ZNF467: variants seen among roughly 807,000 people sequenced by gnomAD.
ZNF467 encodes zinc finger protein 467.
In ZNF467, 51 loss-of-function variants were observed where a neutral mutation model predicts 47.8. The ratio of observed to expected loss-of-function variants is 1.07; its 90% CI spans 0.85 to 1.35. The LOEUF (loss-of-function observed/expected upper bound fraction) is 1.35. Ranked by LOEUF, ZNF467 falls within the 40% of genes most tolerant of loss-of-function variation. The pLI is 0.00. For synonymous variants in ZNF467, 416 were observed against 372.9 expected (o/e 1.12, Z -1.33); for missense variants, 992 against 858.1 (o/e 1.16, Z -1.95).
At position 149,765,164 on chromosome 7, in the gene ZNF467, C is replaced by T; in HGVS notation, c.1338G>A (p.Leu446=). 6.7e-7 allele frequency: 1 copy of T among 1,498,882 alleles called. No homozygotes were observed. The highest frequency in any genetic ancestry group is 8.9e-7 in the Non-Finnish European group (1 of 1,128,608). The allele number at this position is 1,498,882 out of a possible 1,614,324, so 92.8% of individuals were successfully genotyped here. ...CGRGFSHGQH[L]ARHPRVHTGE... is the part of the protein sequence containing the mutation. ...CCGTGTGCACGCGCGGGTGCCGCGC[C>T]AGGTGCTGCCCATGGGAGAAGCCGC... The change falls in exon 5 of 5, where the codon CTG becomes CTA. Residue 446 remains leucine, a synonymous_variant. Transcript: ENST00000302017.
At position 149,764,705 on chromosome 7, in the gene ZNF467, G is replaced by T; in HGVS notation, c.*9C>A. 1 of 1,579,654 alleles carries T rather than the reference G, an allele frequency of 6.3e-7. No homozygotes were observed. Among genetic ancestry groups the T allele is most frequent in the Non-Finnish European group, 8.6e-7 (1 of 1,159,204 alleles). On this transcript the variant is annotated 3_prime_UTR_variant, in exon 5 of 5. Coordinates refer to ENST00000302017, the MANE Select transcript of ZNF467 (RefSeq NM_207336.3). Reference sequence around the variant, plus strand: ...TGTGGGCAAGAAAGGGTCCTCGTGAGAACTAGGCTCAGAAGAAGAGCGGGG... The same window carrying T: ...TGTGGGCAAGAAAGGGTCCTCGTGATAACTAGGCTCAGAAGAAGAGCGGGG...
chr7:149,774,953 A>G (rs1426840805), upstream of ZNF467, among the ~76,000 whole-genome samples: 1 of 152,056 alleles, frequency 6.6e-6, no homozygotes, highest in Admixed American at 6.5e-5. This position sits in a 1 kb window ranked among gnomAD's most constrained non-coding sequence, Gnocchi z 5.7. Flanking sequence ...TATCAGGTTT[A>G]GGAGACCGAG....
At position 149,766,098 on chromosome 7, in the gene ZNF467, T is replaced by G. The variant is rs747200447; in HGVS notation, c.404A>C (p.Lys135Thr). 1.6e-5 allele frequency: 26 copies of G among 1,610,226 alleles called. No homozygotes were observed. Among genetic ancestry groups the G allele is most frequent in the Non-Finnish European group, 2.0e-5 (24 of 1,177,900 alleles). Reference sequence around the variant, plus strand: ...TGCCCCCGGGGCCCCTGGCTCCAGTTTGTACGCGGCAGCCAGATGCCCCAG... The same window carrying G: ...TGCCCCCGGGGCCCCTGGCTCCAGTGTGTACGCGGCAGCCAGATGCCCCAG... ...PDLGHLAAAY[K>T]LEPGAPGALS... The change falls in exon 5 of 5, where the codon AAA (lysine) becomes ACA (threonine). Residue 135 changes from lysine (K) to threonine (T), a missense_variant. Lys to Thr is a moderately conservative substitution (Grantham distance 78). Transcript: ENST00000302017.
intron 1 of ZNF467, among the ~76,000 whole-genome samples, chr7:149,772,075 T>G (rs1340439939): frequency 7.7e-6 from 1 of 129,332 alleles, no homozygotes; most frequent in Non-Finnish European, 1.6e-5. Context: ...CCCCTCCTCT[T>G]TTCCTTCCTC....
At position 149,769,333 on chromosome 7, in the gene ZNF467, C is replaced by T; in HGVS notation, c.152-133G>A. 1 of 779,182 alleles carries T rather than the reference C, an allele frequency of 1.3e-6. No individual in the cohort carries two copies. The highest frequency in any genetic ancestry group is 2.8e-5 in the East Asian group (1 of 36,134). 48.3% of individuals were successfully genotyped at this position (779,182 alleles called of 1,614,324 possible). ...CCCACAGGGTTCCTCCCACATCCTA[C>T]CTGAATTAAGGGGCTGAGTTCCCAG... On this transcript the variant is annotated intron_variant, in intron 3 of 4. Transcript: ENST00000302017. The surrounding 1 kb of genome is among the most constrained non-coding windows in gnomAD (Gnocchi z 5.3).
chr7:149,771,148 T>G, intron 1 of ZNF467, 74 bp from the exon 2 acceptor site: 1 of 1,258,714 alleles, frequency 7.9e-7, no homozygotes, highest in Non-Finnish European at 1.2e-6. Context: ...CTGCCCAACC[T>G]CTCCCTATGG....
At chr7:149,767,054 C>A (rs79937596) in intron 4 of ZNF467, among the ~76,000 whole-genome samples, 1,723 of 152,338 alleles carry the variant, frequency 0.011, 35 homozygotes, top group African/African-American at 0.04. Flanking sequence ...TCGGGTGCTG[C>A]AATGGTCCAG....
In ZNF467 at chr7:149,768,676, G is replaced by A. The variant is rs143703420; in HGVS notation, c.262+414C>T. On this transcript the variant is annotated intron_variant, in intron 4 of 4. Transcript: ENST00000302017. Reference sequence around the variant, plus strand: ...GAGATGAGTTGAATACAGCAGATGTGGAGCATCTGGGTACCCTCACGATCA... The same window carrying A: ...GAGATGAGTTGAATACAGCAGATGTAGAGCATCTGGGTACCCTCACGATCA... Among the ~76,000 whole-genome samples the A allele has an allele frequency of 1.0e-3, 158 of 152,348 alleles. 2 individuals are homozygous for A. Among genetic ancestry groups the A allele is most frequent in the African/African-American group, 3.4e-3 (141 of 41,572 alleles).
chr7:149,764,627 C>T lies in ZNF467; in HGVS notation c.*87G>A. On this transcript the variant is annotated 3_prime_UTR_variant, in exon 5 of 5. Transcript: ENST00000302017. ...CGGCGGCCAAACCTTCGGGCAGCAG[C>T]CCAGGTCGCCTTGCTCACCCCAGGC... 6.4e-7 allele frequency: 1 copy of T among 1,550,814 alleles called. No individual in the cohort carries two copies. The highest frequency in any genetic ancestry group is 8.7e-7 in the Non-Finnish European group (1 of 1,147,422).
Position 149,765,698 on chromosome 7 carries a change from G to A in ZNF467, c.804C>T (p.Gly268=), listed in dbSNP as rs1799177714. 2 of 1,613,406 alleles carry A rather than the reference G, an allele frequency of 1.2e-6. No homozygotes were observed. The highest frequency in any genetic ancestry group is 1.7e-6 in the Non-Finnish European group (2 of 1,179,864). ...HLGSHQKTHT[G]ERPFPCTECE... is the part of the protein sequence containing the mutation. ...ATTCCGTGCAGGGGAAGGGCCGCTCGCCGGTGTGGGTCTTTTGGTGCGAGC... is the reference window on the plus strand; with the variant it reads ...ATTCCGTGCAGGGGAAGGGCCGCTCACCGGTGTGGGTCTTTTGGTGCGAGC... The change falls in exon 5 of 5, where the codon GGC becomes GGT. Residue 268 remains glycine (G), a synonymous_variant. Transcript: ENST00000302017.
upstream of ZNF467, among the ~76,000 whole-genome samples, chr7:149,773,887 T>C (rs989932239): frequency 1.3e-5 from 2 of 152,036 alleles, no homozygotes; most frequent in African/African-American, 4.8e-5. Context: ...GAGGACCCGA[T>C]TCGAAACCAG....
chr7:149,765,002 C>T lies in ZNF467; in HGVS notation c.1500G>A (p.Ser500=), dbSNP rs546115312. 2.8e-5 allele frequency: 44 copies of T among 1,587,766 alleles called. No individual in the cohort carries two copies. The East Asian group carries it at 8.8e-4, about 32-fold the overall frequency. ...GCACCGCCTGGTGGCGGCCCAGGTG[C>T]GACTTGCGGCTGAAGCGGCGGCCGC... ...AQCGRRFSRK[S]HLGRHQAVHT... is the part of the protein sequence containing the mutation. The change falls in exon 5 of 5, where the codon TCG becomes TCA. Residue 500 remains serine (S), a synonymous_variant. Transcript: ENST00000302017.
At chr7:149,767,236 C>T (rs1417973966) in intron 4 of ZNF467, among the ~76,000 whole-genome samples, 13 of 152,276 alleles carry the variant, frequency 8.5e-5, no homozygotes, top group African/African-American at 1.4e-4. Context: ...AAAGCTCCCA[C>T]GCCTGTGCTG....
At position 149,764,960 on chromosome 7, in the gene ZNF467, G is replaced by A. The variant is rs1477786004; in HGVS notation, c.1542C>T (p.Pro514=). ...TGCGGGCGCAGACGGCGCAGGCGTG[G>A]GGGCGGCTGCCAGTGTGCACCGCCT... ...RHQAVHTGSR[P]HACAVCARSF... is the part of the protein sequence containing the mutation. The change falls in exon 5 of 5, where the codon CCC becomes CCT. Residue 514 remains proline (P), a synonymous_variant. Coordinates refer to ENST00000302017, the MANE Select transcript of ZNF467 (RefSeq NM_207336.3). 1.9e-6 allele frequency: 3 copies of A among 1,589,304 alleles called. No homozygotes were observed. The Admixed American group carries it at 5.2e-5, about 27-fold the overall frequency.
intron 1 of ZNF467, among the ~76,000 whole-genome samples, chr7:149,772,653 ATCGCCGACTTCAT>A (rs1164039524): frequency 2.2e-5 from 3 of 138,660 alleles, no homozygotes; most frequent in African/African-American, 8.2e-5. Flanking sequence ...AGCAGCTCCG[ATCGCCGACTTCAT>A]TCCAGGTCCC....
rs1169864798 is a variant in ZNF467, at chr7:149,766,698, C to T, written c.263-459G>A. Among the ~76,000 whole-genome samples, 8 of 152,318 alleles carry T rather than the reference C, an allele frequency of 5.3e-5. No homozygotes were observed. The East Asian group carries it at 1.5e-3, about 29-fold the overall frequency. On this transcript the variant is annotated intron_variant, in intron 4 of 4. Transcript: ENST00000302017. ...TCACCACACACCTGAGCTTCCCAAA[C>T]TGAGCCCTGGCTGACTTTAACCTTA... is the stretch of plus-strand genomic sequence containing the variant.
rs1043303937 is a variant in ZNF467, at chr7:149,764,698, C to T, written c.*16G>A. ...TCGAAACTGTGGGCAAGAAAGGGTC[C>T]TCGTGAGAACTAGGCTCAGAAGAAG... On this transcript the variant is annotated 3_prime_UTR_variant, in exon 5 of 5. Coordinates refer to ENST00000302017, the MANE Select transcript of ZNF467 (RefSeq NM_207336.3). The T allele has an allele frequency of 6.3e-7, 1 of 1,582,210 alleles. No homozygotes were observed. Among genetic ancestry groups the T allele is most frequent in the Non-Finnish European group, 8.6e-7 (1 of 1,160,902 alleles).
At chr7:149,772,077 T>G (rs1310632395) in intron 1 of ZNF467, among the ~76,000 whole-genome samples, 1 of 128,774 alleles carries the variant, frequency 7.8e-6, no homozygotes, top group African/African-American at 3.1e-5. Flanking sequence ...CCTCCTCTTT[T>G]CCTTCCTCGC....
chr7:149,764,757 C>G lies in ZNF467; in HGVS notation c.1745G>C (p.Trp582Ser). ...APDAALAAPAWSAPPEVAPPP... is the reference protein window; with the variant it reads ...APDAALAAPASSAPPEVAPPP... Reference sequence around the variant, plus strand: ...CGGCGCCACCTCGGGGGGAGCGGACCAGGCTGGGGCCGCAAGGGCGGCGTC... The same window carrying G: ...CGGCGCCACCTCGGGGGGAGCGGACGAGGCTGGGGCCGCAAGGGCGGCGTC... The change falls in exon 5 of 5, where the codon TGG becomes TCG. Residue 582 changes from tryptophan to serine, a missense_variant. Transcript: ENST00000302017. 1 of 1,529,102 alleles carries G rather than the reference C, an allele frequency of 6.5e-7. No homozygotes were observed. The highest frequency in any genetic ancestry group is 8.8e-7 in the Non-Finnish European group (1 of 1,137,794). 94.7% of individuals were successfully genotyped at this position (1,529,102 alleles called of 1,614,324 possible).
Sources: allele counts gnomAD v4.1 joint callset (sites outside exome capture counted in the v4.1 genomes callset), GRCh38; gene constraint gnomAD v4.1.1; non-coding constraint Gnocchi (gnomAD v3.1); transcripts MANE v1.5; gene names NCBI Gene and HGNC (gene_info 2026-07-23, HGNC 2026-07-21).